EFTUD2: variants seen among roughly 807,000 people sequenced by gnomAD.
EFTUD2 encodes 116 kDa U5 small nuclear ribonucleoprotein component.
A neutral mutation model predicts 114.3 loss-of-function variants in EFTUD2; 9 were observed. The observed-to-expected ratio is 0.08, with a 90% CI of 0.05 to 0.14. The LOEUF is 0.14. Among genes scored for constraint, EFTUD2 ranks in the 10% least tolerant of loss-of-function variants. The pLI, the probability that EFTUD2 is intolerant of heterozygous loss-of-function variation, is 1.00. For synonymous variants in EFTUD2, 449 were observed against 462.3 expected, an observed-to-expected ratio of 0.97 and a Z score of 0.37; for missense variants, 765 against 1,241.2, an observed-to-expected ratio of 0.62 and a Z score of 5.76.
rs1456339581 is a variant in EFTUD2, at chr17:44,897,197, C to G, written c.-5+2172G>C. On this transcript the variant is annotated intron_variant, in intron 1 of 27. Transcript: ENST00000426333. ...CGCCACTGCACTCCAGCCTGGGTGA[C>G]AGAGAGAGACTCCGTCTCAAAAAAA... Among the ~76,000 whole-genome samples, 7 of 118,296 alleles carry G rather than the reference C, an allele frequency of 5.9e-5. No individual in the cohort carries two copies. In the East Asian group the frequency reaches 1.8e-3, roughly 30 times the overall value. The allele number at this position is 118,296 out of a possible 152,430, so 77.6% of individuals were successfully genotyped here.
At chr17:44,873,858 A>G (rs2145508493) in intron 10 of EFTUD2, among the ~76,000 whole-genome samples, 1 of 149,366 alleles carries the variant, frequency 6.7e-6, no homozygotes, top group South Asian at 2.1e-4. Context: ...CAGCCTCCTC[A>G]GTAGCTGGGA....
chr17:44,875,919 C>G lies in EFTUD2; in HGVS notation c.869+15G>C. 6.2e-7 allele frequency: 1 copy of G among 1,610,740 alleles called. No individual in the cohort carries two copies. Among genetic ancestry groups the G allele is most frequent in the South Asian group, 1.1e-5 (1 of 90,944 alleles). On this transcript the variant is annotated intron_variant, in intron 10 of 27. Transcript: ENST00000426333. The stretch of plus-strand genomic sequence containing the variant: ...GCCTCCGAGGACAGGAAATCCACTC[C>G]CAGGGGTTTTCTACCTTATTAATCC...
intron 9 of EFTUD2, 35 bp downstream of exon 9, chr17:44,879,521 G>A (rs771730937): frequency 4.4e-6 from 7 of 1,608,914 alleles, no homozygotes; most frequent in Non-Finnish European, 6.0e-6. Context: ...AAACATAACA[G>A]GTGGATGAGA....
At chr17:44,860,078 C>T in intron 17 of EFTUD2, 33 bp from the exon 18 acceptor site, 1 of 1,614,148 alleles carries the variant, frequency 6.2e-7, no homozygotes, top group Non-Finnish European at 8.5e-7. Flanking sequence ...CTGAGGGCAA[C>T]TGGCATGAGC....
At chr17:44,869,219 G>A (rs191029663) in intron 11 of EFTUD2, among the ~76,000 whole-genome samples, 1 of 152,062 alleles carries the variant, frequency 6.6e-6, no homozygotes, top group African/African-American at 2.4e-5. Context: ...TTCCCACATT[G>A]TTAGTTACTG....
chr17:44,883,196 G>A, intron 5 of EFTUD2, 38 bp from the exon 6 acceptor site: 2 of 1,606,202 alleles, frequency 1.2e-6, no homozygotes, highest in South Asian at 1.1e-5. Flanking sequence ...GCCGACCACA[G>A]AGGAAAATTT....
intron 27 of EFTUD2, 46 bp from the exon 28 acceptor site, chr17:44,851,415 A>C: frequency 6.7e-7 from 1 of 1,492,850 alleles, no homozygotes; most frequent in Non-Finnish European, 9.3e-7. Flanking sequence ...GTGGTCGCAG[A>C]CTAAGCAAGG....
At chr17:44,897,323 C>T (rs1363217668) in intron 1 of EFTUD2, among the ~76,000 whole-genome samples, 1 of 151,994 alleles carries the variant, frequency 6.6e-6, no homozygotes, top group Non-Finnish European at 1.5e-5. Context: ...GTTCCATGCA[C>T]CTGCTTCTTC....
At chr17:44,890,892 C>G (rs2051267403) in intron 2 of EFTUD2, among the ~76,000 whole-genome samples, 1 of 152,158 alleles carries the variant, frequency 6.6e-6, no homozygotes, top group South Asian at 2.1e-4. Context: ...CAACTCTGCT[C>G]TTGGGAATAT....
At chr17:44,894,796 G>A (rs972102794) in intron 1 of EFTUD2, among the ~76,000 whole-genome samples, 4 of 152,328 alleles carry the variant, frequency 2.6e-5, no homozygotes, top group Middle Eastern at 3.4e-3. Flanking sequence ...AAGGAAGAAA[G>A]AAGACAGAAG....
chr17:44,851,538 C>T (rs2050448508), intron 27 of EFTUD2, among the ~76,000 whole-genome samples, 169 bp from the exon 28 acceptor site: 1 of 152,122 alleles, frequency 6.6e-6, no homozygotes, highest in Admixed American at 6.5e-5. Context: ...ATAAGGCTCT[C>T]CTTTCCCAAC....
intron 13 of EFTUD2, among the ~76,000 whole-genome samples, chr17:44,867,015 G>A (rs1383159924): frequency 1.3e-5 from 2 of 152,160 alleles, no homozygotes; most frequent in Non-Finnish European, 1.5e-5. Flanking sequence ...GCTGAGGTGG[G>A]AGGATTGCTC....
In EFTUD2 at chr17:44,859,938, C is replaced by T. The variant is rs1286356095; in HGVS notation, c.1827G>A (p.Lys609=). 6.2e-7 allele frequency: 1 copy of T among 1,614,044 alleles called. No individual in the cohort carries two copies. Among genetic ancestry groups the T allele is most frequent in the African/African-American group, 1.3e-5 (1 of 74,914 alleles). Residue 609 remains lysine (K), a synonymous_variant, in exon 18 of 28, where the codon AAG becomes AAA. Coordinates refer to ENST00000426333, the MANE Select transcript of EFTUD2 (RefSeq NM_004247.4). The part of the protein sequence containing the change: ...ELPKMLDGLR[K]VNKSYPSLTT... ...TGAGGGATGGATAGCTCTTGTTGAC[C>T]TTGCGCAGGCCATCAAGCATCTTGG...
In EFTUD2 at chr17:44,859,069, T is replaced by C. The variant is rs551580178; in HGVS notation, c.1962+11A>G. On this transcript the variant is annotated intron_variant, in intron 19 of 27. Coordinates refer to ENST00000426333, the MANE Select transcript of EFTUD2 (RefSeq NM_004247.4). The stretch of plus-strand genomic sequence containing the variant: ...GACCGTGAACCCAGCTCCCGGCAGA[T>C]ACTGCTGTACCTTGATGTCTATCTC... The C allele has an allele frequency of 1.3e-6, 2 of 1,586,600 alleles. No individual in the cohort carries two copies. The highest frequency in any genetic ancestry group is 1.7e-6 in the Non-Finnish European group (2 of 1,154,882).
Position 44,854,848 on chromosome 17 carries a change from T to C in EFTUD2, c.2132+70A>G. The C allele has an allele frequency of 6.3e-7, 1 of 1,577,134 alleles. No homozygotes were observed. Among genetic ancestry groups the C allele is most frequent in the South Asian group, 1.1e-5 (1 of 90,240 alleles). The stretch of plus-strand genomic sequence containing the variant: ...TGCTCCCCAGAAAGATGTGTGCTCT[T>C]AGAGACCCGGCAGTTAAACTGTGGC... On this transcript the variant is annotated intron_variant, in intron 21 of 27. Coordinates refer to ENST00000426333, the MANE Select transcript of EFTUD2 (RefSeq NM_004247.4). This position sits in a 1 kb window ranked among gnomAD's most constrained non-coding sequence, Gnocchi z 4.3.
In EFTUD2 at chr17:44,854,482, A is replaced by G; in HGVS notation, c.2259+74T>C. ...CCAGAGGACACAAGATACTTTTGGGAAAAGAACACTTTGTAGTTTCTTCCA... is the reference window on the plus strand; with the variant it reads ...CCAGAGGACACAAGATACTTTTGGGGAAAGAACACTTTGTAGTTTCTTCCA... On this transcript the variant is annotated intron_variant, in intron 22 of 27. Transcript: ENST00000426333. The surrounding 1 kb of genome is among the most constrained non-coding windows in gnomAD (Gnocchi z 4.3). 6.3e-7 allele frequency: 1 copy of G among 1,582,624 alleles called. No homozygotes were observed. The highest frequency in any genetic ancestry group is 1.1e-5 in the South Asian group (1 of 87,182).
rs200645783 is a variant in EFTUD2, at chr17:44,879,659, A to C, written c.620-21T>G. Reference sequence around the variant, plus strand: ...ATGTCCTGAAAAGCAAATACTAAGTAAGTCATCACTTGGTGCAGGATAAAG... The same window carrying C: ...ATGTCCTGAAAAGCAAATACTAAGTCAGTCATCACTTGGTGCAGGATAAAG... On this transcript the variant is annotated intron_variant, in intron 8 of 27. Coordinates refer to ENST00000426333, the MANE Select transcript of EFTUD2 (RefSeq NM_004247.4). The C allele has an allele frequency of 4.2e-4, 679 of 1,610,326 alleles. 6 individuals are homozygous for C. In the African/African-American group the frequency reaches 7.5e-3, roughly 18 times the overall value.
intron 1 of EFTUD2, among the ~76,000 whole-genome samples, chr17:44,894,863 G>T (rs1252098445): frequency 3.9e-5 from 6 of 152,216 alleles, no homozygotes; most frequent in Non-Finnish European, 5.9e-5. Context: ...GCCAAAAGAG[G>T]AGGTCCCCCT....
intron 2 of EFTUD2, 32 bp from the exon 3 acceptor site, chr17:44,886,782 A>G (rs1439474818): frequency 6.3e-7 from 1 of 1,594,028 alleles, no homozygotes; most frequent in African/African-American, 1.3e-5. Flanking sequence ...AGAATCGAAG[A>G]GGCACACGCT....
Sources: allele counts gnomAD v4.1 joint callset (sites outside exome capture counted in the v4.1 genomes callset), GRCh38; gene constraint gnomAD v4.1.1; non-coding constraint Gnocchi (gnomAD v3.1); transcripts MANE v1.5; gene names NCBI Gene and HGNC (gene_info 2026-07-23, HGNC 2026-07-21).